PRMT7: variants seen among roughly 807,000 people sequenced by gnomAD.
The protein encoded by PRMT7 is protein arginine methyltransferase 7.
PRMT7 carries 75 observed loss-of-function variants against 85.4 expected under a neutral mutation model. The observed-to-expected ratio is 0.88, with a 90% CI of 0.73 to 1.06. The LOEUF (loss-of-function observed/expected upper bound fraction) is 1.06, where lower values mean the gene tolerates loss of function less well. PRMT7 is among the 50% of genes least tolerant of loss of function. The pLI, the probability that PRMT7 is intolerant of heterozygous loss-of-function variation, is 0.00. For missense variants in PRMT7, 868 were observed against 915.2 expected (o/e 0.95, Z 0.67); for synonymous variants, 397 against 359.5 (o/e 1.10, Z -1.18).
intron 10 of PRMT7, 99 bp downstream of exon 10, chr16:68,345,901 G>A (rs2086284484): frequency 1.3e-6 from 2 of 1,530,158 alleles, no homozygotes; most frequent in Non-Finnish European, 1.8e-6. Flanking sequence ...GTTGATTTGT[G>A]TCTGGACAGA....
At chr16:68,359,726 C>T (rs1308029493), downstream of PRMT7, 3 of 152,588 alleles carry the variant, frequency 2.0e-5, no homozygotes, top group Admixed American at 6.5e-5. Context: ...CGGAGGTCAG[C>T]GGGGATTGTC....
At chr16:68,343,043 A>G (rs1355825652) in intron 9 of PRMT7, among the ~76,000 whole-genome samples, 1 of 152,110 alleles carries the variant, frequency 6.6e-6, no homozygotes, top group South Asian at 2.1e-4. Flanking sequence ...TGTCTCTACT[A>G]AAAATACAAA....
intron 1 of PRMT7, 78 bp downstream of exon 1, chr16:68,311,177 G>C: frequency 1.6e-6 from 1 of 606,386 alleles, no homozygotes; most frequent in Non-Finnish European, 3.0e-6. Flanking sequence ...CTTGGCACCA[G>C]GGTTTCGGCA....
At chr16:68,319,741 T>TGTGTG in intron 3 of PRMT7, among the ~76,000 whole-genome samples, 1 of 150,990 alleles carries the variant, frequency 6.6e-6, no homozygotes, top group Non-Finnish European at 1.5e-5. Context: ...TGTGTGTGTG[T>TGTGTG]TCTGGGACTC....
chr16:68,324,137 G>C (rs773237816), intron 4 of PRMT7: 3 of 155,060 alleles, frequency 1.9e-5, no homozygotes, highest in Admixed American at 6.3e-5. Flanking sequence ...CAGTTACCTT[G>C]CCTAGGGCTG....
chr16:68,349,446 A>G (rs1453308447), intron 14 of PRMT7, among the ~76,000 whole-genome samples: 1 of 152,130 alleles, frequency 6.6e-6, no homozygotes, highest in Non-Finnish European at 1.5e-5. Flanking sequence ...CCCAACGCGG[A>G]GCTATCATCT....
Position 68,316,032 on chromosome 16 carries a change from TGGA to T in PRMT7, c.60_62del (p.Glu20del), listed in dbSNP as rs2081808033. 1 of 1,613,660 alleles carries T rather than the reference TGGA, an allele frequency of 6.2e-7. No homozygotes were observed. On this transcript the variant is annotated inframe_deletion, in exon 3 of 19. Coordinates refer to ENST00000441236, the MANE Select transcript of PRMT7 (RefSeq NM_019023.5). The stretch of plus-strand genomic sequence containing the variant: ...CCGACCACGGGGTCTGTGGAGTGGC[TGGA>T]GGAGGATGAACACTATGATTACCAC...
intron 5 of PRMT7, chr16:68,328,015 A>C (rs1013527294): frequency 5.7e-6 from 1 of 176,528 alleles, no homozygotes; most frequent in African/African-American, 2.4e-5. Flanking sequence ...GTATTATTAC[A>C]TAATTGTTCT....
chr16:68,345,940 G>C lies in PRMT7; in HGVS notation c.1055+138G>C, dbSNP rs1314782901. 5 of 1,386,148 alleles carry C rather than the reference G, an allele frequency of 3.6e-6. No individual in the cohort carries two copies. The African/African-American group carries it at 5.7e-5, about 16-fold the overall frequency. 85.9% of individuals were successfully genotyped at this position (1,386,148 alleles called of 1,614,324 possible). A position where few individuals can be genotyped will look rare whatever the true frequency, so the allele number is the denominator to read the frequency against. ...ACATAAGAACAAAGATTTGTGACCAGTGTGTCAGTGCCCATTCGTGTGTAC... is the reference window on the plus strand; with the variant it reads ...ACATAAGAACAAAGATTTGTGACCACTGTGTCAGTGCCCATTCGTGTGTAC... On this transcript the variant is annotated intron_variant, in intron 10 of 18. Transcript: ENST00000441236.
Position 68,347,692 on chromosome 16 carries a change from G to A in PRMT7, c.1323+14G>A. ...CTGTTGAGAAAAGTAAGTGAGAATT[G>A]TTGTTGCTGAAATAGTGAGAGGACC... On this transcript the variant is annotated intron_variant, in intron 13 of 18. Coordinates refer to ENST00000441236, the MANE Select transcript of PRMT7 (RefSeq NM_019023.5). The A allele has an allele frequency of 1.2e-6, 2 of 1,607,446 alleles. No homozygotes were observed. The highest frequency in any genetic ancestry group is 1.7e-6 in the Non-Finnish European group (2 of 1,179,032).
intron 9 of PRMT7, among the ~76,000 whole-genome samples, chr16:68,342,392 G>A (rs1314025143): frequency 1.3e-5 from 2 of 152,190 alleles, no homozygotes; most frequent in Non-Finnish European, 2.9e-5. Context: ...ATGGGGGTTG[G>A]TTAGATGAGA....
chr16:68,313,790 G>C (rs917339529), intron 2 of PRMT7, among the ~76,000 whole-genome samples: 5 of 152,222 alleles, frequency 3.3e-5, no homozygotes, highest in African/African-American at 1.2e-4. Flanking sequence ...TAAAAGTGCA[G>C]CTGGGTGCCG....
chr16:68,322,664 C>T (rs898417200), intron 4 of PRMT7, among the ~76,000 whole-genome samples: 2 of 152,056 alleles, frequency 1.3e-5, no homozygotes, highest in Admixed American at 6.6e-5. Flanking sequence ...TTAATGGCAT[C>T]GTTAAAGTGA....
Position 68,358,338 on chromosome 16 carries a change from A to G in PRMT7, c.*1114A>G, listed in dbSNP as rs1179007480. The G allele has an allele frequency of 6.5e-6, 1 of 152,754 alleles. No individual in the cohort carries two copies. The highest frequency in any genetic ancestry group is 2.4e-5 in the African/African-American group (1 of 41,472). 9.5% of individuals were successfully genotyped at this position (152,754 alleles called of 1,614,324 possible). On this transcript the variant is annotated 3_prime_UTR_variant, in exon 19 of 19. Transcript: ENST00000441236. Reference sequence around the variant, plus strand: ...GGAGAACACCAGCCTTGAGCCTCACAGTTTTATTTTCTCCTCGTTATCCAT... The same window carrying G: ...GGAGAACACCAGCCTTGAGCCTCACGGTTTTATTTTCTCCTCGTTATCCAT...
intron 2 of PRMT7, chr16:68,315,613 T>G (rs933381245): frequency 6.8e-6 from 2 of 295,466 alleles, no homozygotes; most frequent in Non-Finnish European, 6.5e-6. Context: ...TTGAACCTTT[T>G]GGAAGCACCG....
chr16:68,329,496 C>G (rs1036412029), intron 6 of PRMT7: 1 of 202,564 alleles, frequency 4.9e-6, no homozygotes, highest in Admixed American at 5.3e-5. Flanking sequence ...TTGGATAAAC[C>G]TCATTGGCTA....
At chr16:68,335,904 G>C (rs2084618417) in intron 6 of PRMT7, among the ~76,000 whole-genome samples, 1 of 151,596 alleles carries the variant, frequency 6.6e-6, no homozygotes, top group Non-Finnish European at 1.5e-5. Flanking sequence ...AGCCTCTCAA[G>C]TAGCTGGGAT....
chr16:68,351,598 C>G (rs1184739943), intron 14 of PRMT7: 1 of 152,674 alleles, frequency 6.5e-6, no homozygotes, highest in African/African-American at 2.4e-5. Flanking sequence ...GCTCCACACC[C>G]TCACCTTGGG....
In PRMT7 at chr16:68,339,390, G is replaced by A; in HGVS notation, c.573G>A (p.Trp191Ter). 1 of 1,614,208 alleles carries A rather than the reference G, an allele frequency of 6.2e-7. No individual in the cohort carries two copies. The highest frequency in any genetic ancestry group is 8.5e-7 in the Non-Finnish European group (1 of 1,180,040). ...AGCTGGTGGAGTCCGGGAGGATGTG[G>A]TCGTGGAACAAGCTATTTCCCATCC... ...YAQLVESGRM[W>*]SWNKLFPIHV... Residue 191 changes from tryptophan to a stop codon, truncating the protein, a stop_gained, in exon 8 of 19, where the codon TGG becomes TGA. Coordinates refer to ENST00000441236, the MANE Select transcript of PRMT7 (RefSeq NM_019023.5). LOFTEE classifies it high-confidence loss of function.
Sources: allele counts gnomAD v4.1 joint callset (sites outside exome capture counted in the v4.1 genomes callset), GRCh38; gene constraint gnomAD v4.1.1; transcripts MANE v1.5; gene names NCBI Gene and HGNC (gene_info 2026-07-23, HGNC 2026-07-21).